ZFAND3: variants seen among roughly 807,000 people sequenced by gnomAD.
ZFAND3 encodes zinc finger AN1-type containing 3.
ZFAND3 carries 10 observed loss-of-function variants against 29.6 expected under a neutral mutation model. That is an observed-to-expected ratio of 0.34 (90% CI 0.21 to 0.57). The LOEUF is 0.57. Ranked by LOEUF, ZFAND3 falls within the 20% of genes least tolerant of loss-of-function variation. The pLI is 0.86. For missense variants in ZFAND3, 230 were observed against 304.5 expected (o/e 0.76, Z 1.82); for synonymous variants, 128 against 112.6 (o/e 1.14, Z -0.87).
chr6:37,896,514 T>TTTTTCTTTCTTTC (rs1765207898), intron 1 of ZFAND3, among the ~76,000 whole-genome samples: 1 of 109,100 alleles, frequency 9.2e-6, no homozygotes, highest in Non-Finnish European at 1.9e-5. Flanking sequence ...TTCCTCTTTC[T>TTTTTCTTTCTTTC]TTTCTTTCTT....
intron 3 of ZFAND3, among the ~76,000 whole-genome samples, chr6:38,072,605 T>G (rs1764478546): frequency 6.6e-6 from 1 of 152,212 alleles, no homozygotes; most frequent in African/African-American, 2.4e-5. Flanking sequence ...GTGCTGATTT[T>G]AAATTAAATC....
chr6:37,842,887 C>G (rs554629398), intron 1 of ZFAND3, among the ~76,000 whole-genome samples: 2 of 148,068 alleles, frequency 1.4e-5, no homozygotes, highest in Non-Finnish European at 3.0e-5. Context: ...ATTGGGAGGC[C>G]GAGGTGGGTG....
At chr6:37,963,383 C>T (rs1365369072) in intron 2 of ZFAND3, among the ~76,000 whole-genome samples, 1 of 152,042 alleles carries the variant, frequency 6.6e-6, no homozygotes, top group Admixed American at 6.6e-5. Context: ...TTAGTGCCTA[C>T]ATAGAAAAGA....
chr6:37,837,618 C>T (rs1398272680), intron 1 of ZFAND3, among the ~76,000 whole-genome samples: 7 of 151,734 alleles, frequency 4.6e-5, no homozygotes, highest in African/African-American at 7.3e-5. Context: ...GATTCTCCTG[C>T]GTCAGCCTCC....
chr6:37,823,680 A>G (rs1369421954), intron 1 of ZFAND3, among the ~76,000 whole-genome samples: 1 of 152,080 alleles, frequency 6.6e-6, no homozygotes, highest in Non-Finnish European at 1.5e-5. Context: ...TAATTAAGTT[A>G]TTTTATAGAG....
At chr6:37,967,275 T>C (rs542688194) in intron 2 of ZFAND3, among the ~76,000 whole-genome samples, 6 of 152,352 alleles carry the variant, frequency 3.9e-5, no homozygotes, top group East Asian at 1.9e-4. Context: ...TGTACTGTTA[T>C]TGGTTTTGAT....
intron 2 of ZFAND3, among the ~76,000 whole-genome samples, chr6:38,010,979 A>C (rs2127443623): frequency 6.6e-6 from 1 of 150,866 alleles, no homozygotes; most frequent in East Asian, 2.0e-4. Flanking sequence ...CTTGGGCCCA[A>C]GTGATCCTCG....
chr6:37,948,100 A>G (rs187868264), intron 2 of ZFAND3, among the ~76,000 whole-genome samples: 2 of 152,326 alleles, frequency 1.3e-5, no homozygotes, highest in African/African-American at 4.8e-5. Flanking sequence ...GTGTTCTTCA[A>G]GTGTCAGTTA....
chr6:38,125,514 G>A (rs923633972), intron 5 of ZFAND3, among the ~76,000 whole-genome samples: 10 of 152,122 alleles, frequency 6.6e-5, no homozygotes, highest in Non-Finnish European at 1.0e-4. Flanking sequence ...GGGCACATCC[G>A]CTGCAGCCTG....
At chr6:37,925,525 A>G (rs1376226869) in intron 1 of ZFAND3, among the ~76,000 whole-genome samples, 1 of 152,128 alleles carries the variant, frequency 6.6e-6, no homozygotes, top group Non-Finnish European at 1.5e-5. Context: ...CAACATGGTG[A>G]AAACCTGTCT....
intron 2 of ZFAND3, among the ~76,000 whole-genome samples, chr6:37,968,824 A>G (rs1762336004): frequency 6.6e-6 from 1 of 152,212 alleles, no homozygotes; most frequent in African/African-American, 2.4e-5. Context: ...GCAAGCCACC[A>G]TGCCCAGTTG....
chr6:38,152,433 A>G lies in ZFAND3; in HGVS notation c.*44A>G. 1 of 1,499,682 alleles carries G rather than the reference A, an allele frequency of 6.7e-7. No individual in the cohort carries two copies. Among genetic ancestry groups the G allele is most frequent in the East Asian group, 2.4e-5 (1 of 41,402 alleles). The allele number at this position is 1,499,682 out of a possible 1,614,324, so 92.9% of individuals were successfully genotyped here. ...ACGTGACGCTGTTCTTAGTTCACTA[A>G]TGTTAGCCTTATTTAGGACAAAGTC... On this transcript the variant is annotated 3_prime_UTR_variant, in exon 6 of 6. Coordinates refer to ENST00000287218, the MANE Select transcript of ZFAND3 (RefSeq NM_021943.3).
At chr6:37,944,691 G>A (rs374065747) in intron 2 of ZFAND3, among the ~76,000 whole-genome samples, 1 of 152,168 alleles carries the variant, frequency 6.6e-6, no homozygotes, top group Non-Finnish European at 1.5e-5. Context: ...GAGAACTTAA[G>A]TAATGACAAT....
chr6:38,099,482 T>G (rs1463695827), intron 4 of ZFAND3, among the ~76,000 whole-genome samples: 3 of 152,218 alleles, frequency 2.0e-5, no homozygotes, highest in Non-Finnish European at 4.4e-5. Flanking sequence ...CCACAGAGTT[T>G]CAGAAAGCCA....
intron 2 of ZFAND3, among the ~76,000 whole-genome samples, chr6:38,022,590 C>T (rs544895718): frequency 2.4e-4 from 36 of 152,276 alleles, no homozygotes; most frequent in African/African-American, 8.4e-4. Context: ...CGTCCTCTTC[C>T]CACTCCATTT....
At chr6:37,917,987 A>G (rs1224053677) in intron 1 of ZFAND3, among the ~76,000 whole-genome samples, 1 of 152,166 alleles carries the variant, frequency 6.6e-6, no homozygotes, top group Non-Finnish European at 1.5e-5. Flanking sequence ...CTCCTCCTCC[A>G]TATTTTGTAG....
chr6:37,873,808 A>G (rs919201024), intron 1 of ZFAND3, among the ~76,000 whole-genome samples: 7 of 152,232 alleles, frequency 4.6e-5, no homozygotes, highest in African/African-American at 1.4e-4. Flanking sequence ...TCACCCCTAC[A>G]TTGTGAACAC....
At chr6:38,129,238 GTA>G (rs1765697070) in intron 5 of ZFAND3, among the ~76,000 whole-genome samples, 1 of 152,158 alleles carries the variant, frequency 6.6e-6, no homozygotes, top group African/African-American at 2.4e-5. Flanking sequence ...TTTGTCAGAT[GTA>G]TAGATTGTAA....
At chr6:38,106,701 A>G (rs540448285) in intron 4 of ZFAND3, among the ~76,000 whole-genome samples, 28 of 150,380 alleles carry the variant, frequency 1.9e-4, no homozygotes, top group East Asian at 3.9e-4. Context: ...GTGTGTGTGT[A>G]TATGTGTATG....
Sources: allele counts gnomAD v4.1 joint callset (sites outside exome capture counted in the v4.1 genomes callset), GRCh38; gene constraint gnomAD v4.1.1; transcripts MANE v1.5; gene names NCBI Gene and HGNC (gene_info 2026-07-23, HGNC 2026-07-21).